The following NF1 variants were observed in gnomAD, a reference collection of about 807,000 sequenced individuals.
The protein encoded by NF1 is neurofibromin.
NF1 carries 122 observed loss-of-function variants against 325.7 expected under a neutral mutation model. The observed-to-expected ratio is 0.37, with a 90% CI of 0.32 to 0.44. The LOEUF is 0.44. Among genes scored for constraint, NF1 ranks in the 20% least tolerant of loss-of-function variants. The pLI is 1.00. For missense variants in NF1, 2,140 were observed against 3,415.4 expected (o/e 0.63, Z 9.31); for synonymous variants, 1,091 against 1,186.0 (o/e 0.92, Z 1.65).
At chr17:31,097,345 C>T (rs574942070) in intron 1 of NF1, among the ~76,000 whole-genome samples, 1 of 151,490 alleles carries the variant, frequency 6.6e-6, no homozygotes, top group African/African-American at 2.4e-5. Flanking sequence ...GTAATCCCAG[C>T]TACTCGGGAG....
At chr17:31,105,333 A>G (rs1472957136) in intron 1 of NF1, among the ~76,000 whole-genome samples, 1 of 152,244 alleles carries the variant, frequency 6.6e-6, no homozygotes, top group Non-Finnish European at 1.5e-5. Flanking sequence ...TTCTTACCAT[A>G]AATGGTACTA....
intron 29 of NF1, among the ~76,000 whole-genome samples, chr17:31,243,184 C>CTGTCTGTGTGTGTGTGTGTG (rs1555616441): frequency 7.3e-6 from 1 of 137,476 alleles, no homozygotes; most frequent in Non-Finnish European, 1.5e-5. Flanking sequence ...CTCTCTCTGT[C>CTGTCTGTGTGTGTGTGTGTG]TGTGTGTGTG....
intron 5 of NF1, among the ~76,000 whole-genome samples, chr17:31,174,603 G>C (rs1171030478): frequency 1.3e-5 from 2 of 152,118 alleles, no homozygotes; most frequent in Admixed American, 6.5e-5. Context: ...TTAATACAGT[G>C]ACTTAAATAT....
intron 37 of NF1, 87 bp downstream of exon 37, chr17:31,326,339 CT>C (rs1216516864): frequency 8.1e-5 from 106 of 1,309,066 alleles, no homozygotes; most frequent in Non-Finnish European, 1.1e-4. Context: ...TGTCCTACCC[CT>C]ATAGTGGTGT....
chr17:31,125,875 C>T (rs1914841212), intron 1 of NF1, among the ~76,000 whole-genome samples: 1 of 152,162 alleles, frequency 6.6e-6, no homozygotes, highest in South Asian at 2.1e-4. Context: ...AGTTGACACT[C>T]CCAACTGCAA....
At position 31,147,302 on chromosome 17, in the gene NF1, A is replaced by G. The variant is rs1916647171; in HGVS notation, c.61-8681A>G. Reference sequence around the variant, plus strand: ...GGGTTGAATTTAGCATGGTTTTGAAATTTATGTAACATCATACAATATGTC... The same window carrying G: ...GGGTTGAATTTAGCATGGTTTTGAAGTTTATGTAACATCATACAATATGTC... On this transcript the variant is annotated intron_variant, in intron 1 of 57. Coordinates refer to ENST00000358273, the MANE Select transcript of NF1 (RefSeq NM_001042492.3). Among the ~76,000 whole-genome samples, 2 of 152,204 alleles carry G rather than the reference A, an allele frequency of 1.3e-5. 1 individual carries two copies. Among genetic ancestry groups the G allele is most frequent in the South Asian group, 4.1e-4 (2 of 4,824 alleles).
chr17:31,157,321 A>G (rs1210596657), intron 2 of NF1, among the ~76,000 whole-genome samples: 1 of 152,084 alleles, frequency 6.6e-6, no homozygotes, highest in Non-Finnish European at 1.5e-5. Flanking sequence ...ATTTGTTTGT[A>G]TTGAGTTGTG....
intron 37 of NF1, among the ~76,000 whole-genome samples, chr17:31,326,940 T>A (rs1441648522): frequency 6.6e-6 from 1 of 152,092 alleles, no homozygotes; most frequent in African/African-American, 2.4e-5. Context: ...TTTGTTTTGT[T>A]TTTTGATATG....
chr17:31,216,104 A>G (rs1002047710), intron 13 of NF1, among the ~76,000 whole-genome samples: 4 of 152,244 alleles, frequency 2.6e-5, no homozygotes, highest in African/African-American at 9.6e-5. Flanking sequence ...CTATAAAAAA[A>G]TGAAGTTCCC....
In NF1 at chr17:31,232,067, T is replaced by A; in HGVS notation, c.3198-6T>A. On this transcript the variant is annotated splice_region_variant and splice_polypyrimidine_tract_variant and intron_variant, in intron 24 of 57. Coordinates refer to ENST00000358273, the MANE Select transcript of NF1 (RefSeq NM_001042492.3). ...AATTTTTTTTTTTTTTTTTTTTTTT[T>A]TTCAGAGATTTGGACCAGGCAAGCA... The A allele has an allele frequency of 7.1e-7, 1 of 1,415,310 alleles. No individual in the cohort carries two copies. Among genetic ancestry groups the A allele is most frequent in the Non-Finnish European group, 9.6e-7 (1 of 1,043,334 alleles). 87.7% of individuals were successfully genotyped at this position (1,415,310 alleles called of 1,614,324 possible).
chr17:31,112,781 A>G (rs993213380), intron 1 of NF1, among the ~76,000 whole-genome samples: 5 of 152,140 alleles, frequency 3.3e-5, no homozygotes, highest in Admixed American at 1.3e-4. Flanking sequence ...CACCTTATCA[A>G]TTAAAAAATA....
intron 36 of NF1, among the ~76,000 whole-genome samples, chr17:31,310,180 G>T (rs2068831025): frequency 6.6e-6 from 1 of 152,002 alleles, no homozygotes; most frequent in Non-Finnish European, 1.5e-5. Flanking sequence ...TGTAGGTAAA[G>T]AACAATATTG....
intron 1 of NF1, among the ~76,000 whole-genome samples, chr17:31,118,514 C>T (rs1048846309): frequency 6.6e-5 from 10 of 152,004 alleles, no homozygotes; most frequent in African/African-American, 9.7e-5. Context: ...TTGCTCAACT[C>T]GTACTTATGA....
chr17:31,204,236 A>T (rs2066581079), intron 11 of NF1, among the ~76,000 whole-genome samples: 1 of 152,104 alleles, frequency 6.6e-6, no homozygotes, highest in South Asian at 2.1e-4. Flanking sequence ...TTTCCTTACG[A>T]CAATTTATCG....
intron 12 of NF1, among the ~76,000 whole-genome samples, chr17:31,210,252 A>T (rs2066704799): frequency 6.6e-6 from 1 of 152,158 alleles, no homozygotes; most frequent in Non-Finnish European, 1.5e-5. Flanking sequence ...TTGCAGAATG[A>T]ATGAAGGAAT....
intron 36 of NF1, among the ~76,000 whole-genome samples, chr17:31,325,039 G>A (rs559089921): frequency 3.3e-5 from 5 of 152,190 alleles, no homozygotes; most frequent in Non-Finnish European, 7.3e-5. Flanking sequence ...GGTCCTCACT[G>A]TGGCTGCTCC....
chr17:31,101,759 A>C (rs149355753), intron 1 of NF1, among the ~76,000 whole-genome samples: 1 of 151,414 alleles, frequency 6.6e-6, no homozygotes, highest in Non-Finnish European at 1.5e-5. Context: ...AAACTCTGCT[A>C]TCTCACTTCT....
intron 3 of NF1, 145 bp from the exon 4 acceptor site, chr17:31,163,041 A>T: frequency 1.4e-6 from 1 of 712,138 alleles, no homozygotes; most frequent in Non-Finnish European, 2.4e-6. Flanking sequence ...AAATATGATG[A>T]AACGTTAACA....
chr17:31,364,415 T>A (rs933037863), intron 57 of NF1, among the ~76,000 whole-genome samples: 6 of 152,228 alleles, frequency 3.9e-5, no homozygotes, highest in Non-Finnish European at 7.3e-5. Context: ...TTCTAGATCT[T>A]TGATGTTTAG....
Sources: gnomAD v4.1 joint callset for allele counts (sites outside exome capture counted in the v4.1 genomes callset) on GRCh38, gnomAD v4.1.1 for gene constraint, MANE v1.5 for transcripts, NCBI Gene and HGNC (gene_info 2026-07-23, HGNC 2026-07-21) for gene names.